Variants in VAC14 observed in about 807,000 individuals in gnomAD.
VAC14 encodes protein VAC14 homolog.
Under a neutral mutation model 85.3 loss-of-function variants are expected in VAC14, and 47 were observed. The observed-to-expected ratio is 0.55, with a 90% CI of 0.44 to 0.70. The LOEUF (loss-of-function observed/expected upper bound fraction) is 0.70, where lower values mean the gene tolerates loss of function less well. VAC14 is among the 30% of genes least tolerant of loss of function. The pLI, the probability that VAC14 is intolerant of heterozygous loss-of-function variation, is 0.00. For synonymous variants in VAC14, 447 were observed against 430.5 expected (o/e 1.04, Z -0.47); for missense variants, 861 against 1,004.3 (o/e 0.86, Z 1.93).
rs755728940 is a variant in VAC14 at position 70,695,640 on chromosome 16, G to C, written c.1956-17C>G. ...AGGTCCCCACTGGGTGTGCAGTCAA[G>C]GAAAGTCTGTCTGCTGGGCCAGCAC... On this transcript the variant is annotated splice_polypyrimidine_tract_variant and intron_variant, in intron 16 of 18. Coordinates refer to ENST00000261776, the MANE Select transcript of VAC14 (RefSeq NM_018052.5). The C allele has an allele frequency of 6.2e-7, 1 of 1,611,010 alleles. No individual in the cohort carries two copies. The highest frequency in any genetic ancestry group is 1.7e-5 in the Admixed American group (1 of 59,982).
intron 14 of VAC14, among the ~76,000 whole-genome samples, chr16:70,729,093 G>A (rs994114150): frequency 6.6e-6 from 1 of 152,182 alleles, no homozygotes; most frequent in African/African-American, 2.4e-5. Flanking sequence ...CTCCCTAGGG[G>A]ACCTCTGGCA....
At chr16:70,701,862 A>G (rs1172823069) in intron 14 of VAC14, among the ~76,000 whole-genome samples, 1 of 152,164 alleles carries the variant, frequency 6.6e-6, no homozygotes. Flanking sequence ...TGACCTCGCC[A>G]AGCCCACGTG....
chr16:70,720,251 G>C (rs980752828), intron 14 of VAC14, among the ~76,000 whole-genome samples: 1 of 152,208 alleles, frequency 6.6e-6, no homozygotes, highest in Non-Finnish European at 1.5e-5. Context: ...CTTGATCAGA[G>C]GGCTCATTCC....
intron 13 of VAC14, among the ~76,000 whole-genome samples, chr16:70,736,255 G>T (rs2054748031): frequency 6.6e-6 from 1 of 152,232 alleles, no homozygotes; most frequent in African/African-American, 2.4e-5. Flanking sequence ...AATGTGCCGG[G>T]TCCGGAGCCT....
Position 70,733,414 on chromosome 16 carries a change from A to G in VAC14, c.1529-1787T>C, listed in dbSNP as rs147848102. Among the ~76,000 whole-genome samples the G allele has an allele frequency of 1.4e-4, 20 of 145,116 alleles. No homozygotes were observed. The East Asian group carries it at 4.0e-3, about 29-fold the overall frequency. On this transcript the variant is annotated intron_variant, in intron 13 of 18. Transcript: ENST00000261776. Reference sequence around the variant, plus strand: ...GCTGGTATTTTCTCCCATTCTGTTGATTTTTTTTTTTTGAGACAGGGTGAT... The same window carrying G: ...GCTGGTATTTTCTCCCATTCTGTTGGTTTTTTTTTTTTGAGACAGGGTGAT...
In VAC14 at chr16:70,731,431, TG is replaced by T. The variant is rs2054587175; in HGVS notation, c.1661+63del. Reference sequence around the variant, plus strand: ...GAAGGTGGCTGCTTTGACACTTGAATGGCGTGAAAGTGAAAAGCCGGGGCCG... The same window carrying T: ...GAAGGTGGCTGCTTTGACACTTGAATGCGTGAAAGTGAAAAGCCGGGGCCG... On this transcript the variant is annotated intron_variant, in intron 14 of 18. Coordinates refer to ENST00000261776, the MANE Select transcript of VAC14 (RefSeq NM_018052.5). 3 of 1,573,030 alleles carry T rather than the reference TG, an allele frequency of 1.9e-6. No individual in the cohort carries two copies. The East Asian group carries it at 6.7e-5, about 35-fold the overall frequency.
At chr16:70,784,724 C>T in intron 4 of VAC14, 52 bp downstream of exon 4, 1 of 1,532,326 alleles carries the variant, frequency 6.5e-7, no homozygotes, top group East Asian at 2.2e-5. Flanking sequence ...GCTTTACAGA[C>T]AGACGGGAGA....
chr16:70,721,655 C>G (rs530747513), intron 14 of VAC14, among the ~76,000 whole-genome samples: 3 of 152,182 alleles, frequency 2.0e-5, no homozygotes, highest in South Asian at 4.1e-4. Flanking sequence ...GATCAGGAGA[C>G]GTGGCTCTCG....
chr16:70,797,006 T>C (rs540794951), intron 1 of VAC14, among the ~76,000 whole-genome samples: 21 of 152,210 alleles, frequency 1.4e-4, no homozygotes, highest in South Asian at 8.3e-4. Flanking sequence ...AGTGGGAGGA[T>C]TGTTTCAGCC....
intron 13 of VAC14, among the ~76,000 whole-genome samples, chr16:70,741,878 GC>G (rs2030349035): frequency 6.6e-6 from 1 of 152,184 alleles, no homozygotes; most frequent in Non-Finnish European, 1.5e-5. Context: ...GCCATATAGT[GC>G]CCCTGGCCCT....
chr16:70,782,029 A>T (rs2033837717), intron 7 of VAC14, 26 bp from the exon 8 acceptor site: 1 of 1,610,484 alleles, frequency 6.2e-7, no homozygotes, highest in Non-Finnish European at 8.5e-7. Flanking sequence ...GGGGGTTCAG[A>T]GGGGCCAGCA....
chr16:70,748,250 G>A (rs2031080048), intron 12 of VAC14, among the ~76,000 whole-genome samples: 1 of 152,234 alleles, frequency 6.6e-6, no homozygotes, highest in African/African-American at 2.4e-5. Flanking sequence ...CCAGACAGCT[G>A]CTGAGCAGCT....
intron 14 of VAC14, among the ~76,000 whole-genome samples, chr16:70,729,472 T>A (rs2054525768): frequency 6.6e-6 from 1 of 151,944 alleles, no homozygotes; most frequent in Non-Finnish European, 1.5e-5. Flanking sequence ...CCACCTCAGC[T>A]CCTGAGCTGG....
At chr16:70,708,707 A>G (rs1023216387) in intron 14 of VAC14, among the ~76,000 whole-genome samples, 15 of 152,210 alleles carry the variant, frequency 9.9e-5, no homozygotes, top group Non-Finnish European at 1.8e-4. Context: ...AAGCTGAGAT[A>G]GCAGGAAGGA....
Position 70,800,969 on chromosome 16 carries a change from G to C in VAC14, c.-69C>G. On this transcript the variant is annotated 5_prime_UTR_variant, in exon 1 of 19. Transcript: ENST00000261776. ...CCGGGGCCGCGCCGGGGCCAGGGGA[G>C]TCTGCGGCTCCGCTCTGCCCCCGGC... The C allele has an allele frequency of 8.3e-7, 1 of 1,208,224 alleles. No homozygotes were observed. Among genetic ancestry groups the C allele is most frequent in the Non-Finnish European group, 1.1e-6 (1 of 886,218 alleles). 74.8% of individuals were successfully genotyped at this position (1,208,224 alleles called of 1,614,324 possible).
At chr16:70,785,062 G>T (rs2033984697) in intron 3 of VAC14, among the ~76,000 whole-genome samples, 1 of 152,236 alleles carries the variant, frequency 6.6e-6, no homozygotes, top group Non-Finnish European at 1.5e-5. Context: ...TTCTGTTCAG[G>T]GACTTCTCCC....
At chr16:70,722,050 C>T (rs986325576) in intron 14 of VAC14, among the ~76,000 whole-genome samples, 1 of 152,210 alleles carries the variant, frequency 6.6e-6, no homozygotes, top group African/African-American at 2.4e-5. Context: ...GGGACGAGGG[C>T]AGATGCTCAG....
At chr16:70,742,423 C>T (rs1322676518) in intron 13 of VAC14, among the ~76,000 whole-genome samples, 2 of 151,118 alleles carry the variant, frequency 1.3e-5, no homozygotes, top group African/African-American at 4.8e-5. Context: ...CTCTGGCATT[C>T]CTGCCATCTG....
intron 2 of VAC14, 49 bp from the exon 3 acceptor site, chr16:70,785,918 G>T: frequency 6.4e-7 from 1 of 1,553,592 alleles, no homozygotes. Flanking sequence ...TTGGAGCCCA[G>T]GCCCTGCAGC....
Sources: allele counts gnomAD v4.1 joint callset (sites outside exome capture counted in the v4.1 genomes callset), GRCh38; gene constraint gnomAD v4.1.1; transcripts MANE v1.5; gene names NCBI Gene and HGNC (gene_info 2026-07-23, HGNC 2026-07-21).